TRDMT1: variants seen among roughly 807,000 people sequenced by gnomAD.
TRDMT1 encodes the protein tRNA (cytosine(38)-C(5))-methyltransferase.
TRDMT1 carries 49 observed loss-of-function variants against 51.2 expected under a neutral mutation model. The observed-to-expected ratio is 0.96, with a 90% CI of 0.76 to 1.21. TRDMT1 has a LOEUF of 1.21. Among genes scored for constraint, TRDMT1 ranks in the 50% most tolerant of loss-of-function variants. The probability of loss-of-function intolerance (pLI) is 0.00; values close to 1 mark genes in which losing one functional copy is unlikely to be tolerated. For missense variants in TRDMT1, 534 were observed against 462.3 expected, an observed-to-expected ratio of 1.16 and a Z score of -1.42; for synonymous variants, 187 against 164.6, an observed-to-expected ratio of 1.14 and a Z score of -1.04.
chr10:17,142,925 T>A lies in TRDMT1; in HGVS notation c.*6115A>T. ...TACCCAGAGTTTATAATTACACTTT[T>A]CAGGGAGGAGCAGGGAGAAATAAAT... On this transcript the variant is annotated 3_prime_UTR_variant, in exon 11 of 11. Coordinates refer to ENST00000377799, the MANE Select transcript of TRDMT1 (RefSeq NM_004412.7). 1 of 902,422 alleles carries A rather than the reference T, an allele frequency of 1.1e-6. No individual in the cohort carries two copies. The highest frequency in any genetic ancestry group is 1.3e-6 in the Non-Finnish European group (1 of 754,172). The allele number at this position is 902,422 out of a possible 1,614,324, so 55.9% of individuals were successfully genotyped here. A position where few individuals can be genotyped will look rare whatever the true frequency, so the allele number is the denominator to read the frequency against.
chr10:17,192,719 T>A (rs190623330), intron 1 of TRDMT1, among the ~76,000 whole-genome samples: 1 of 152,336 alleles, frequency 6.6e-6, no homozygotes, highest in African/African-American at 2.4e-5. Flanking sequence ...ATTTCACGTG[T>A]CTTGAGAAGG....
intron 1 of TRDMT1, among the ~76,000 whole-genome samples, chr10:17,186,436 G>T (rs1304831684): frequency 6.6e-6 from 1 of 152,142 alleles, no homozygotes; most frequent in Non-Finnish European, 1.5e-5. Context: ...AGGTCAGAGA[G>T]AAGGCTTTGG....
At chr10:17,184,618 C>G (rs1268083015) in intron 1 of TRDMT1, among the ~76,000 whole-genome samples, 3 of 152,064 alleles carry the variant, frequency 2.0e-5, no homozygotes, top group Non-Finnish European at 1.5e-5. Flanking sequence ...CTGCAAAACA[C>G]TAGCAGTATA....
Position 17,140,120 on chromosome 10 carries a change from C to G in TRDMT1, c.*8920G>C, listed in dbSNP as rs1202726368. Among the ~76,000 whole-genome samples, 1 of 143,198 alleles carries G rather than the reference C, an allele frequency of 7.0e-6. No homozygotes were observed. Among genetic ancestry groups the G allele is most frequent in the Non-Finnish European group, 1.5e-5 (1 of 66,708 alleles). 93.9% of individuals were successfully genotyped at this position (143,198 alleles called of 152,430 possible). On this transcript the variant is annotated 3_prime_UTR_variant, in exon 11 of 11. Coordinates refer to ENST00000377799, the MANE Select transcript of TRDMT1 (RefSeq NM_004412.7). ...GAATGATGCAATGGCACGACCTCGG[C>G]TCACTGCAACCTCCGCCTCCCAGGT... is the stretch of plus-strand genomic sequence containing the variant.
At chr10:17,187,346 T>C (rs948191449) in intron 1 of TRDMT1, among the ~76,000 whole-genome samples, 1 of 152,188 alleles carries the variant, frequency 6.6e-6, no homozygotes, top group Non-Finnish European at 1.5e-5. Flanking sequence ...ACCTAGTAAA[T>C]TATATGGGTT....
In TRDMT1 at chr10:17,186,472, T is replaced by C. The variant is rs575527698; in HGVS notation, c.65-11812A>G. ...GATGCTACACTTCTGGCTTCAAAGA[T>C]AGAAAAAGGGATAATGAGCCACGTA... On this transcript the variant is annotated intron_variant, in intron 1 of 10. Coordinates refer to ENST00000377799, the MANE Select transcript of TRDMT1 (RefSeq NM_004412.7). Among the ~76,000 whole-genome samples the C allele has an allele frequency of 4.6e-5, 7 of 152,016 alleles. No individual in the cohort carries two copies. In the East Asian group the frequency reaches 5.8e-4, roughly 13 times the overall value.
intron 3 of TRDMT1, among the ~76,000 whole-genome samples, chr10:17,166,661 C>T (rs1367195320): frequency 6.6e-6 from 1 of 152,148 alleles, no homozygotes; most frequent in Non-Finnish European, 1.5e-5. Context: ...TGGATGTGAA[C>T]AGACTTCTCA....
At chr10:17,197,098 T>G (rs1845551645) in intron 1 of TRDMT1, among the ~76,000 whole-genome samples, 2 of 152,190 alleles carry the variant, frequency 1.3e-5, no homozygotes, top group South Asian at 4.1e-4. Context: ...CTGGAGATTC[T>G]GTGAGTTTCC....
At chr10:17,187,163 A>G (rs1469987024) in intron 1 of TRDMT1, among the ~76,000 whole-genome samples, 3 of 152,224 alleles carry the variant, frequency 2.0e-5, no homozygotes, top group Non-Finnish European at 4.4e-5. Context: ...AGTAAGCAAC[A>G]AAGAAAAATC....
chr10:17,156,538 A>T (rs1257916320), intron 8 of TRDMT1, among the ~76,000 whole-genome samples: 1 of 151,994 alleles, frequency 6.6e-6, no homozygotes, highest in Non-Finnish European at 1.5e-5. Context: ...CCCGGCCAAA[A>T]TTTTTCTTAA....
rs559080181 is a variant in TRDMT1 at position 17,168,234 on chromosome 10, T to C, written c.251+607A>G. Among the ~76,000 whole-genome samples, 22 of 152,132 alleles carry C rather than the reference T, an allele frequency of 1.4e-4. No homozygotes were observed. The South Asian group carries it at 4.6e-3, about 32-fold the overall frequency. On this transcript the variant is annotated intron_variant, in intron 3 of 10. Transcript: ENST00000377799. ...AGGAGGATTGCTTGAACCTGGGAGA[T>C]TGAGGCTGCAGGGAGCTGTGATCAT...
Position 17,147,987 on chromosome 10 carries a change from A to G in TRDMT1, c.*1053T>C. ...CTAAATAGCTGATTTTTAAGAAGAAAAATTTGAATTAAAATCTTGTAATAT... is the reference window on the plus strand; with the variant it reads ...CTAAATAGCTGATTTTTAAGAAGAAGAATTTGAATTAAAATCTTGTAATAT... On this transcript the variant is annotated 3_prime_UTR_variant, in exon 11 of 11. Coordinates refer to ENST00000377799, the MANE Select transcript of TRDMT1 (RefSeq NM_004412.7). 1.0e-6 allele frequency: 1 copy of G among 984,586 alleles called. No homozygotes were observed. Among genetic ancestry groups the G allele is most frequent in the Non-Finnish European group, 1.2e-6 (1 of 829,132 alleles). The allele number at this position is 984,586 out of a possible 1,614,324, so 61.0% of individuals were successfully genotyped here. A position where few individuals can be genotyped will look rare whatever the true frequency, so the allele number is the denominator to read the frequency against.
At chr10:17,153,901 AGAGT>A (rs1463065527) in intron 9 of TRDMT1, among the ~76,000 whole-genome samples, 1 of 152,216 alleles carries the variant, frequency 6.6e-6, no homozygotes. Context: ...TAAAATCATA[AGAGT>A]ATAAACAATA....
In TRDMT1 at chr10:17,146,091, T is replaced by C; in HGVS notation, c.*2949A>G. ...ATCCCACATGGTAGCAATACAGCCT[T>C]TCAGGGCAACTTAAAAGCCTCTCTA... On this transcript the variant is annotated 3_prime_UTR_variant, in exon 11 of 11. Transcript: ENST00000377799. 1 of 985,412 alleles carries C rather than the reference T, an allele frequency of 1.0e-6. No homozygotes were observed. Among genetic ancestry groups the C allele is most frequent in the East Asian group, 1.1e-4 (1 of 8,806 alleles). 61.0% of individuals were successfully genotyped at this position (985,412 alleles called of 1,614,324 possible). A position where few individuals can be genotyped will look rare whatever the true frequency, so the allele number is the denominator to read the frequency against.
intron 3 of TRDMT1, among the ~76,000 whole-genome samples, chr10:17,166,890 C>G (rs987963943): frequency 1.3e-4 from 20 of 152,172 alleles, no homozygotes; most frequent in African/African-American, 4.8e-4. Context: ...AGGCCACACT[C>G]TTGCACGTGC....
intron 5 of TRDMT1, 22 bp from the exon 6 acceptor site, chr10:17,160,396 T>G: frequency 7.7e-7 from 1 of 1,303,936 alleles, no homozygotes; most frequent in African/African-American, 1.5e-5. Flanking sequence ...AAAAAAAAAC[T>G]TTAATTCTTA....
chr10:17,153,842 A>G (rs1456671801), intron 9 of TRDMT1, among the ~76,000 whole-genome samples: 2 of 152,204 alleles, frequency 1.3e-5, no homozygotes, highest in Non-Finnish European at 2.9e-5. Context: ...AAAGGTTAAC[A>G]TTCAACAGAT....
At chr10:17,174,254 T>C (rs1303908724) in intron 2 of TRDMT1, among the ~76,000 whole-genome samples, 1 of 152,172 alleles carries the variant, frequency 6.6e-6, no homozygotes, top group Non-Finnish European at 1.5e-5. Context: ...TAAAAGTAAA[T>C]ACTTTTTCGA....
intron 1 of TRDMT1, chr10:17,201,322 A>G (rs184751682): frequency 5.5e-4 from 270 of 491,626 alleles, no homozygotes; most frequent in East Asian, 5.2e-3. Flanking sequence ...CCGACTCCCA[A>G]CTGGGCCCTT....
Sources: gnomAD v4.1 joint callset for allele counts (sites outside exome capture counted in the v4.1 genomes callset) on GRCh38, gnomAD v4.1.1 for gene constraint, MANE v1.5 for transcripts, NCBI Gene and HGNC (gene_info 2026-07-23, HGNC 2026-07-21) for gene names.